The following BPI variants were observed in gnomAD, a reference collection of about 807,000 sequenced individuals.
BPI encodes the protein bactericidal permeability-increasing protein.
Under a neutral mutation model 57.6 loss-of-function variants are expected in BPI, and 48 were observed. The observed-to-expected ratio is 0.83, with a 90% CI of 0.66 to 1.06. The LOEUF is 1.06. Ranked by LOEUF, BPI falls within the 50% of genes least tolerant of loss-of-function variation. The pLI, the probability that BPI is intolerant of heterozygous loss-of-function variation, is 0.00. For missense variants in BPI, 651 were observed against 609.7 expected (o/e 1.07, Z -0.71); for synonymous variants, 237 against 238.2 (o/e 0.99, Z 0.05).
At chr20:38,321,957 C>T (rs1349829714) in intron 7 of BPI, 1 of 152,146 alleles carries the variant, frequency 6.6e-6, no homozygotes, top group Non-Finnish European at 1.5e-5. Context: ...AAAATGCACA[C>T]ATATGTACTC....
intron 7 of BPI, among the ~76,000 whole-genome samples, chr20:38,322,766 G>A (rs1465543485): frequency 2.0e-5 from 3 of 152,186 alleles, no homozygotes; most frequent in East Asian, 1.9e-4. Flanking sequence ...CCGCCACCAC[G>A]CCTGGCTAAT....
At chr20:38,322,673 C>T (rs1395116180) in intron 7 of BPI, among the ~76,000 whole-genome samples, 6 of 152,188 alleles carry the variant, frequency 3.9e-5, no homozygotes, top group South Asian at 2.1e-4. Context: ...TGCAATGGCG[C>T]GACCTCCACT....
At chr20:38,317,370 C>T (rs1600703726) in intron 5 of BPI, among the ~76,000 whole-genome samples, 1 of 152,228 alleles carries the variant, frequency 6.6e-6, no homozygotes, top group Non-Finnish European at 1.5e-5. Context: ...GCTCTCTGCT[C>T]CATGAGGTCT....
chr20:38,311,654 C>T (rs766442941), intron 4 of BPI, among the ~76,000 whole-genome samples: 33 of 152,000 alleles, frequency 2.2e-4, no homozygotes, highest in African/African-American at 7.0e-4. Context: ...GAGACTGGGA[C>T]GGGGGCCCAG....
At chr20:38,318,512 C>T (rs1243015921) in intron 6 of BPI, 36 bp downstream of exon 6, 2 of 1,598,930 alleles carry the variant, frequency 1.3e-6, no homozygotes, top group South Asian at 2.2e-5. Context: ...TAGAAAGGAA[C>T]AGAAATGGGA....
At chr20:38,305,493 C>T (rs939668115) in intron 1 of BPI, among the ~76,000 whole-genome samples, 4 of 152,222 alleles carry the variant, frequency 2.6e-5, no homozygotes, top group Admixed American at 2.0e-4. Context: ...AGAAGCTATC[C>T]TGACCCTTTG....
Position 38,310,108 on chromosome 20 carries a change from C to T in BPI, c.375-383C>T, listed in dbSNP as rs558760626. Among the ~76,000 whole-genome samples the T allele has an allele frequency of 8.5e-5, 13 of 152,300 alleles. No homozygotes were observed. In the South Asian group the frequency reaches 2.7e-3, roughly 32 times the overall value. ...AATGGGGGCATTAATGAATGAAAGT[C>T]ATTGGCCCCAAACACCCAGCTTTTT... On this transcript the variant is annotated intron_variant, in intron 3 of 14. Coordinates refer to ENST00000642449, the MANE Select transcript of BPI (RefSeq NM_001725.3).
intron 9 of BPI, among the ~76,000 whole-genome samples, chr20:38,325,294 C>G (rs2076706913): frequency 6.6e-6 from 1 of 152,126 alleles, no homozygotes; most frequent in South Asian, 2.1e-4. Flanking sequence ...CTGTCTTTAT[C>G]TGCTCAGGCT....
At chr20:38,307,370 A>G (rs2076601772) in intron 1 of BPI, among the ~76,000 whole-genome samples, 197 bp from the exon 2 acceptor site, 2 of 152,226 alleles carry the variant, frequency 1.3e-5, no homozygotes, top group African/African-American at 2.4e-5. Context: ...TTTGTGACAG[A>G]GGCAATATGG....
intron 5 of BPI, chr20:38,317,895 G>A: frequency 1.0e-6 from 1 of 985,322 alleles, no homozygotes; most frequent in Non-Finnish European, 1.2e-6. Flanking sequence ...GGGGGATTGG[G>A]GTGGAGTGGC....
Position 38,327,647 on chromosome 20 carries a change from G to C in BPI, c.1221G>C (p.Lys407Asn), listed in dbSNP as rs1169525666. 1.2e-6 allele frequency: 2 copies of C among 1,613,672 alleles called. No homozygotes were observed. Among genetic ancestry groups the C allele is most frequent in the South Asian group, 2.2e-5 (2 of 91,078 alleles). Residue 407 changes from lysine to asparagine, a missense_variant, in exon 11 of 15, where the codon AAG becomes AAC. Transcript: ENST00000642449. The stretch of plus-strand genomic sequence containing the variant: ...CCAACAGGCTTGTTGGAGAGCTCAA[G>C]CTGGATAGGTAAGTGGGCCTGTGAG... ...AESNRLVGEL[K>N]LDRLLLELKH...
chr20:38,318,185 G>A (rs545033858), intron 5 of BPI, among the ~76,000 whole-genome samples: 5 of 151,796 alleles, frequency 3.3e-5, no homozygotes, highest in African/African-American at 1.2e-4. Context: ...ACCAGGGCAG[G>A]AAATAGAATG....
chr20:38,323,205 C>A (rs1426458009), intron 7 of BPI, among the ~76,000 whole-genome samples: 1 of 152,078 alleles, frequency 6.6e-6, no homozygotes, highest in African/African-American at 2.4e-5. Context: ...TTTTATGGGC[C>A]TTTAAATTTT....
intron 11 of BPI, 64 bp downstream of exon 11, chr20:38,327,719 G>T: frequency 6.4e-7 from 1 of 1,559,614 alleles, no homozygotes; most frequent in Non-Finnish European, 8.8e-7. Context: ...TGGGATGACA[G>T]TGGTCCTGTG....
intron 3 of BPI, 92 bp from the exon 4 acceptor site, chr20:38,310,399 A>T: frequency 6.8e-7 from 1 of 1,472,326 alleles, no homozygotes; most frequent in Non-Finnish European, 9.3e-7. Context: ...GAGTGGGGAT[A>T]ATAACAAAAC....
At chr20:38,330,193 G>T (rs1568818843) in intron 11 of BPI, among the ~76,000 whole-genome samples, 1 of 152,058 alleles carries the variant, frequency 6.6e-6, no homozygotes, top group Non-Finnish European at 1.5e-5. Flanking sequence ...ATTTTGCTGT[G>T]TAGTGCAGCT....
In BPI at chr20:38,337,347, T is replaced by C. The variant is rs2076772741; in HGVS notation, c.*163T>C. 6.8e-6 allele frequency: 4 copies of C among 584,740 alleles called. No homozygotes were observed. Among genetic ancestry groups the C allele is most frequent in the South Asian group, 2.4e-5 (1 of 41,394 alleles). The allele number at this position is 584,740 out of a possible 1,614,324, so 36.2% of individuals were successfully genotyped here. A position where few individuals can be genotyped will look rare whatever the true frequency, so the allele number is the denominator to read the frequency against. ...ATGATCTAAACACGAGGAAACATTA[T>C]TCATTGGAAAAGTGCATGGTGTGTA... On this transcript the variant is annotated 3_prime_UTR_variant, in exon 15 of 15. Coordinates refer to ENST00000642449, the MANE Select transcript of BPI (RefSeq NM_001725.3).
intron 5 of BPI, among the ~76,000 whole-genome samples, chr20:38,315,089 C>G (rs532540120): frequency 6.6e-6 from 1 of 152,042 alleles, no homozygotes; most frequent in Non-Finnish European, 1.5e-5. Context: ...ATGCTAAGAA[C>G]TTTTTCCATG....
intron 5 of BPI, among the ~76,000 whole-genome samples, chr20:38,317,465 G>T (rs1364824542): frequency 6.6e-6 from 1 of 152,192 alleles, no homozygotes; most frequent in Non-Finnish European, 1.5e-5. Flanking sequence ...CCTGGGCTAG[G>T]AAGACTTGAA....
Sources: allele counts gnomAD v4.1 joint callset (sites outside exome capture counted in the v4.1 genomes callset), GRCh38; gene constraint gnomAD v4.1.1; transcripts MANE v1.5; gene names NCBI Gene and HGNC (gene_info 2026-07-23, HGNC 2026-07-21).